The following SH3KBP1 variants were observed in gnomAD, a reference collection of about 807,000 sequenced individuals.
SH3KBP1 encodes SH3 domain containing kinase binding protein 1.
SH3KBP1 carries 8 observed loss-of-function variants against 50.1 expected under a neutral mutation model. The observed-to-expected ratio is 0.16, with a 90% confidence interval of 0.09 to 0.29. The LOEUF is 0.29. Among genes scored for constraint, SH3KBP1 ranks in the 10% least tolerant of loss-of-function variants. The probability of loss-of-function intolerance (pLI) is 1.00; values close to 1 mark genes in which losing one functional copy is unlikely to be tolerated. For missense variants in SH3KBP1, 377 were observed against 535.2 expected (o/e 0.70, Z 2.92); for synonymous variants, 227 against 218.6 (o/e 1.04, Z -0.34).
intron 11 of SH3KBP1, among the ~76,000 whole-genome samples, chrX:19,589,397 C>T (rs761497779): frequency 2.7e-5 from 3 of 111,608 alleles, no homozygotes; most frequent in African/African-American, 9.8e-5. Context: ...TCAGGCTGGC[C>T]TCTGAAAAGG....
intron 12 of SH3KBP1, among the ~76,000 whole-genome samples, chrX:19,580,860 C>T (rs2066350323): frequency 1.8e-5 from 2 of 111,640 alleles, no homozygotes; most frequent in African/African-American, 6.5e-5. Context: ...TCCTGTTCTC[C>T]GTAATCTCCT....
rs1288057221 is a variant in SH3KBP1 at position 19,690,060 on chromosome X, C to CT, written c.520+5551dup. Among the ~76,000 whole-genome samples, 341 of 64,401 alleles carry CT rather than the reference C, an allele frequency of 5.3e-3. 2 individuals are homozygous for CT. The highest frequency in any genetic ancestry group is 0.018 in the East Asian group (53 of 2,984). The allele number at this position is 64,401 out of a possible 115,157, so 55.9% of individuals were successfully genotyped here. A position where few individuals can be genotyped will look rare whatever the true frequency, so the allele number is the denominator to read the frequency against. On this transcript the variant is annotated intron_variant, in intron 5 of 17. Coordinates refer to ENST00000397821, the MANE Select transcript of SH3KBP1 (RefSeq NM_031892.3). ...TCTTTCTCTCTCTCTCTCTCTCTCT[C>CT]TTTTTTTTTTTTTTTTTGAGACAGG...
chrX:19,574,226 C>T (rs2066127497), intron 12 of SH3KBP1, among the ~76,000 whole-genome samples: 1 of 111,728 alleles, frequency 9.0e-6, no homozygotes, highest in Non-Finnish European at 1.9e-5. Context: ...TATCGCAACC[C>T]TTATCACAGC....
chrX:19,606,831 A>C (rs1483913986), intron 9 of SH3KBP1, among the ~76,000 whole-genome samples: 1 of 112,036 alleles, frequency 8.9e-6, no homozygotes, highest in Non-Finnish European at 1.9e-5. Context: ...ATTAAGAACC[A>C]GAATCCAGAT....
At chrX:19,621,736 T>C (rs1180928204) in intron 8 of SH3KBP1, among the ~76,000 whole-genome samples, 3 of 112,173 alleles carry the variant, frequency 2.7e-5, no homozygotes, top group Non-Finnish European at 1.9e-5. Context: ...TGCTCTAAAA[T>C]GGCAGAGTTG....
chrX:19,593,034 AT>A (rs1190387428), intron 10 of SH3KBP1, among the ~76,000 whole-genome samples: 2 of 112,137 alleles, frequency 1.8e-5, no homozygotes, highest in Non-Finnish European at 3.8e-5. Flanking sequence ...ATGCCACCAA[AT>A]TTGGGGTCCT....
chrX:19,739,014 GA>G (rs1167676836), intron 3 of SH3KBP1, among the ~76,000 whole-genome samples: 1,553 of 22,430 alleles, frequency 0.069, 30 homozygotes, highest in African/African-American at 0.18. Context: ...CTGCCTCCAA[GA>G]AAAAAAAAAA....
At chrX:19,542,983 C>G (rs978812221) in intron 15 of SH3KBP1, among the ~76,000 whole-genome samples, 1 of 112,151 alleles carries the variant, frequency 8.9e-6, no homozygotes, top group Non-Finnish European at 1.9e-5. Context: ...CTGGAGAGAA[C>G]TGCTGGGAGA....
intron 12 of SH3KBP1, among the ~76,000 whole-genome samples, chrX:19,572,060 C>T (rs767351754): frequency 9.0e-6 from 1 of 110,500 alleles, no homozygotes; most frequent in East Asian, 2.8e-4. Flanking sequence ...CAGCTGGAAG[C>T]TTCCAATCAA....
At chrX:19,874,752 G>C (rs1227982953) in intron 1 of SH3KBP1, among the ~76,000 whole-genome samples, 1 of 102,335 alleles carries the variant, frequency 9.8e-6, no homozygotes, top group Non-Finnish European at 2.0e-5. Context: ...GAGACTAAGA[G>C]GGAAAGAGAA....
intron 2 of SH3KBP1, among the ~76,000 whole-genome samples, chrX:19,808,395 G>A (rs1603256735): frequency 9.1e-6 from 1 of 110,147 alleles, no homozygotes; most frequent in East Asian, 2.9e-4. Flanking sequence ...TCCCCCATCT[G>A]CAATGGTTAA....
chrX:19,817,211 A>G lies in SH3KBP1; in HGVS notation c.162+18914T>C, dbSNP rs2067382812. 2.7e-5 allele frequency among the ~76,000 whole-genome samples: 3 copies of G among 111,972 alleles called. No individual in the cohort carries two copies. The Admixed American group carries it at 2.8e-4, about 11-fold the overall frequency. On this transcript the variant is annotated intron_variant, in intron 2 of 17. Transcript: ENST00000397821. Reference sequence around the variant, plus strand: ...AACTCATAAAATTGGGTAGATTCCTATTTTGCTCTTCTTTTTCAAAATTGT... The same window carrying G: ...AACTCATAAAATTGGGTAGATTCCTGTTTTGCTCTTCTTTTTCAAAATTGT...
intron 12 of SH3KBP1, among the ~76,000 whole-genome samples, chrX:19,584,749 T>C (rs755056433): frequency 3.6e-4 from 40 of 112,020 alleles, no homozygotes; most frequent in Middle Eastern, 9.2e-3. Context: ...GAGAAAGAAA[T>C]TACTCTCCTC....
chrX:19,884,112 A>G (rs745502069), intron 1 of SH3KBP1, among the ~76,000 whole-genome samples: 1 of 111,584 alleles, frequency 9.0e-6, no homozygotes, highest in South Asian at 3.7e-4. Flanking sequence ...CTCAAACACA[A>G]TCTCCTCTAA....
intron 13 of SH3KBP1, among the ~76,000 whole-genome samples, chrX:19,566,828 A>G (rs745975818): frequency 9.0e-6 from 1 of 111,628 alleles, no homozygotes; most frequent in South Asian, 3.7e-4. Context: ...TAACAGTCAC[A>G]GTCACACATC....
At chrX:19,598,356 T>C (rs1032803623) in intron 9 of SH3KBP1, among the ~76,000 whole-genome samples, 1 of 111,111 alleles carries the variant, frequency 9.0e-6, no homozygotes, top group African/African-American at 3.3e-5. Context: ...CCTTCCAAAG[T>C]GCTGAGATAA....
At chrX:19,879,493 C>T (rs2069368345) in intron 1 of SH3KBP1, among the ~76,000 whole-genome samples, 1 of 111,331 alleles carries the variant, frequency 9.0e-6, no homozygotes, top group Admixed American at 9.6e-5. Context: ...ATGCCAGGGA[C>T]CAATATGTGA....
At chrX:19,713,667 T>C (rs1296753134) in intron 3 of SH3KBP1, among the ~76,000 whole-genome samples, 1 of 111,819 alleles carries the variant, frequency 8.9e-6, no homozygotes, top group Non-Finnish European at 1.9e-5. Context: ...GCAGGGTATT[T>C]GAGTGTCCAT....
intron 2 of SH3KBP1, among the ~76,000 whole-genome samples, chrX:19,778,151 G>A (rs2066040449): frequency 2.7e-5 from 3 of 111,488 alleles, no homozygotes; most frequent in East Asian, 2.8e-4. Context: ...GGGAAAATTC[G>A]GCCGGGTGCG....
Sources: gnomAD v4.1 joint callset for allele counts (sites outside exome capture counted in the v4.1 genomes callset) on GRCh38, gnomAD v4.1.1 for gene constraint, MANE v1.5 for transcripts, NCBI Gene and HGNC (gene_info 2026-07-23, HGNC 2026-07-21) for gene names.